The following ANTXR1 variants were observed in gnomAD, a reference collection of about 807,000 sequenced individuals.
ANTXR1 encodes the protein anthrax toxin receptor 1.
Under a neutral mutation model 78.1 loss-of-function variants are expected in ANTXR1, and 19 were observed. The observed-to-expected ratio is 0.24, with a 90% confidence interval of 0.17 to 0.36. The LOEUF is 0.36. Ranked by LOEUF, ANTXR1 falls within the 10% of genes least tolerant of loss-of-function variation. ANTXR1 has a pLI of 1.00. For missense variants in ANTXR1, 518 were observed against 718.6 expected (o/e 0.72, Z 3.19); for synonymous variants, 273 against 260.5 (o/e 1.05, Z -0.46).
At chr2:69,156,780 G>A (rs1558607210) in intron 13 of ANTXR1, among the ~76,000 whole-genome samples, 1 of 152,186 alleles carries the variant, frequency 6.6e-6, no homozygotes, top group Non-Finnish European at 1.5e-5. Context: ...CCATTCACGA[G>A]AAACCCCACC....
intron 16 of ANTXR1, among the ~76,000 whole-genome samples, chr2:69,186,631 G>GT (rs1262065187): frequency 1.4e-4 from 21 of 152,260 alleles, no homozygotes; most frequent in Non-Finnish European, 2.9e-5. Context: ...GGGAAATGGT[G>GT]TTACTGGGTT....
At chr2:69,219,259 G>A (rs1036922184) in intron 17 of ANTXR1, among the ~76,000 whole-genome samples, 1 of 152,100 alleles carries the variant, frequency 6.6e-6, no homozygotes, top group Non-Finnish European at 1.5e-5. Context: ...TGCCGTGACT[G>A]TAAAGGCTTC....
At chr2:69,110,491 A>G (rs1471834743) in intron 10 of ANTXR1, among the ~76,000 whole-genome samples, 4 of 152,236 alleles carry the variant, frequency 2.6e-5, no homozygotes, top group African/African-American at 9.6e-5. Context: ...TAATTAAACA[A>G]TGTTGTAGAA....
chr2:69,080,561 C>A (rs914750484), intron 8 of ANTXR1, among the ~76,000 whole-genome samples: 1 of 152,160 alleles, frequency 6.6e-6, no homozygotes, highest in Admixed American at 6.5e-5. Context: ...TATTGAAAAT[C>A]TTTTATGGCA....
intron 17 of ANTXR1, among the ~76,000 whole-genome samples, chr2:69,199,619 T>C (rs1407489200): frequency 1.3e-5 from 2 of 152,330 alleles, no homozygotes; most frequent in East Asian, 3.9e-4. Context: ...GTTTTCAATG[T>C]GTTTGCACAT....
At position 69,194,966 on chromosome 2, in the gene ANTXR1, G is replaced by A. The variant is rs182496578; in HGVS notation, c.1434+1551G>A. On this transcript the variant is annotated intron_variant, in intron 17 of 17. Coordinates refer to ENST00000303714, the MANE Select transcript of ANTXR1 (RefSeq NM_032208.3). Reference sequence around the variant, plus strand: ...GGGTGGATCACAAGGGCAAGAGATCGAGACCATCCTGGCCAACATAGTGAA... The same window carrying A: ...GGGTGGATCACAAGGGCAAGAGATCAAGACCATCCTGGCCAACATAGTGAA... Among the ~76,000 whole-genome samples the A allele has an allele frequency of 7.2e-3, 1,092 of 152,090 alleles. 13 individuals are homozygous for A. The highest frequency in any genetic ancestry group is 0.025 in the African/African-American group (1,040 of 41,490).
intron 3 of ANTXR1, among the ~76,000 whole-genome samples, chr2:69,052,240 C>T (rs1301632111): frequency 6.6e-6 from 1 of 151,924 alleles, no homozygotes; most frequent in African/African-American, 2.4e-5. Flanking sequence ...CTTTCCAGTA[C>T]TTAAGTTTTA....
chr2:69,070,671 A>G lies in ANTXR1; in HGVS notation c.321A>G (p.Glu107=). 6.2e-7 allele frequency: 1 copy of G among 1,614,160 alleles called. No individual in the cohort carries two copies. The highest frequency in any genetic ancestry group is 8.5e-7 in the Non-Finnish European group (1 of 1,180,002). ...GAGAACAAATCCGTCAAGGCCTAGA[A>G]GAACTCCAGAAAGTTCTGCCAGGAG... ...EDREQIRQGL[E]ELQKVLPGGD... The change falls in exon 4 of 18, where the codon GAA becomes GAG. Residue 107 remains glutamate (E), a synonymous_variant. Transcript: ENST00000303714.
intron 12 of ANTXR1, among the ~76,000 whole-genome samples, chr2:69,138,430 C>G (rs1488315567): frequency 6.6e-6 from 1 of 152,152 alleles, no homozygotes; most frequent in Admixed American, 6.5e-5. Flanking sequence ...ATTTTCTAAT[C>G]AGGATAGTAT....
chr2:69,051,066 A>T (rs1234415372), intron 3 of ANTXR1, among the ~76,000 whole-genome samples: 1 of 152,154 alleles, frequency 6.6e-6, no homozygotes, highest in Non-Finnish European at 1.5e-5. Flanking sequence ...CAGGCTGATC[A>T]CTTGAGGCCA....
At chr2:69,020,544 T>C (rs1322307043) in intron 1 of ANTXR1, among the ~76,000 whole-genome samples, 2 of 152,146 alleles carry the variant, frequency 1.3e-5, no homozygotes, top group Non-Finnish European at 2.9e-5. Flanking sequence ...AACCTGTAAT[T>C]ATGTCCAAAT....
intron 3 of ANTXR1, among the ~76,000 whole-genome samples, chr2:69,055,000 C>T (rs6546478): frequency 0.33 from 49,644 of 151,942 alleles, 13,235 homozygotes; most frequent in African/African-American, 0.71. Context: ...CCTCAGTTTT[C>T]TTATCTATAA....
rs1236510878 is a variant in ANTXR1 at position 69,090,982 on chromosome 2, G to A, written c.703+63G>A. The A allele has an allele frequency of 2.4e-5, 37 of 1,527,356 alleles. No individual in the cohort carries two copies. In the East Asian group the frequency reaches 2.7e-4, roughly 11 times the overall value. The allele number at this position is 1,527,356 out of a possible 1,614,324, so 94.6% of individuals were successfully genotyped here. ...TGATGATATTTTGAGTTCAAGTCAC[G>A]TATGTACTTCATTGTTGGTGGGGTG... is the stretch of plus-strand genomic sequence containing the variant. On this transcript the variant is annotated intron_variant, in intron 9 of 17. Transcript: ENST00000303714.
intron 3 of ANTXR1, among the ~76,000 whole-genome samples, chr2:69,054,950 T>C (rs1429068026): frequency 6.6e-6 from 1 of 152,174 alleles, no homozygotes; most frequent in Non-Finnish European, 1.5e-5. Flanking sequence ...GGAGATATTA[T>C]GTGGTCTGAG....
intron 1 of ANTXR1, among the ~76,000 whole-genome samples, chr2:69,015,730 T>C (rs112041054): frequency 0.013 from 2,021 of 151,938 alleles, 47 homozygotes; most frequent in African/African-American, 0.047. Context: ...TAAAGGAAAA[T>C]AGAGATTTGA....
intron 12 of ANTXR1, among the ~76,000 whole-genome samples, chr2:69,144,315 A>C (rs1458313674): frequency 6.6e-6 from 1 of 152,202 alleles, no homozygotes; most frequent in South Asian, 2.1e-4. Flanking sequence ...TGAAGTGGAC[A>C]TAGTTCCTTG....
intron 3 of ANTXR1, among the ~76,000 whole-genome samples, chr2:69,053,444 TTTC>T (rs1669985149): frequency 6.6e-6 from 1 of 152,152 alleles, no homozygotes; most frequent in African/African-American, 2.4e-5. Flanking sequence ...CCCTCATGCT[TTTC>T]TTCTTGTGCT....
In ANTXR1 at chr2:69,089,549, G is replaced by A. The variant is rs148213333; in HGVS notation, c.643-1310G>A. ...TTTCTATGCTATTCTCACTTCTTGC[G>A]TCATCTTCCCTTTATTTTCCCTTTA... On this transcript the variant is annotated intron_variant, in intron 8 of 17. Coordinates refer to ENST00000303714, the MANE Select transcript of ANTXR1 (RefSeq NM_032208.3). 4.3e-3 allele frequency among the ~76,000 whole-genome samples: 658 copies of A among 152,184 alleles called. 1 individual carries two copies. Among genetic ancestry groups the A allele is most frequent in the African/African-American group, 0.014 (600 of 41,516 alleles).
In ANTXR1 at chr2:69,013,519, G is replaced by C; in HGVS notation, c.20G>C (p.Arg7Thr). MATAER[R>T]ALGIGFQWLS... is the part of the protein sequence containing the mutation. ...CGGGCCATGGCCACGGCGGAGCGGA[G>C]AGCCCTCGGCATCGGCTTCCAGTGG... Residue 7 changes from arginine (R) to threonine (T), a missense_variant, in exon 1 of 18, where the codon AGA becomes ACA. Physicochemically the swap from Arg to Thr is moderately conservative, Grantham distance 71. This residue lies in a region of ANTXR1 where 55 missense variants were observed against 52.5 expected (regional missense o/e 1.05). Coordinates refer to ENST00000303714, the MANE Select transcript of ANTXR1 (RefSeq NM_032208.3). This position sits in a 1 kb window ranked among gnomAD's most constrained non-coding sequence, Gnocchi z 5.0. 6.3e-7 allele frequency: 1 copy of C among 1,588,626 alleles called. No individual in the cohort carries two copies. The highest frequency in any genetic ancestry group is 8.6e-7 in the Non-Finnish European group (1 of 1,169,504).
Sources: allele counts gnomAD v4.1 joint callset (sites outside exome capture counted in the v4.1 genomes callset), GRCh38; gene constraint gnomAD v4.1.1; regional missense constraint gnomAD v4.1.1; non-coding constraint Gnocchi (gnomAD v3.1); transcripts MANE v1.5; gene names NCBI Gene and HGNC (gene_info 2026-07-23, HGNC 2026-07-21).